YEATS2: variants seen among roughly 807,000 people sequenced by gnomAD.
YEATS2 encodes the protein YEATS domain containing 2.
A neutral mutation model predicts 163.2 loss-of-function variants in YEATS2; 77 were observed. That is an observed-to-expected ratio of 0.47 (90% CI 0.39 to 0.57). YEATS2 has a LOEUF of 0.57. Among genes scored for constraint, YEATS2 ranks in the 20% least tolerant of loss-of-function variants. The pLI is 0.00. For missense variants in YEATS2, 1,549 were observed against 1,729.8 expected, an observed-to-expected ratio of 0.90 and a Z score of 1.85; for synonymous variants, 631 against 645.1, an observed-to-expected ratio of 0.98 and a Z score of 0.33.
chr3:183,792,166 T>C (rs141375980), intron 21 of YEATS2, among the ~76,000 whole-genome samples: 2 of 152,334 alleles, frequency 1.3e-5, no homozygotes, highest in African/African-American at 4.8e-5. Flanking sequence ...CTAGGATACA[T>C]GTGTAGAACG....
chr3:183,730,159 G>A (rs1190151422), intron 7 of YEATS2, among the ~76,000 whole-genome samples: 2 of 124,222 alleles, frequency 1.6e-5, no homozygotes, highest in African/African-American at 6.2e-5. Context: ...CCACCCCCCA[G>A]GTTCAAGCAG....
At chr3:183,767,863 C>G (rs1722065983) in intron 15 of YEATS2, among the ~76,000 whole-genome samples, 1 of 152,100 alleles carries the variant, frequency 6.6e-6, no homozygotes, top group African/African-American at 2.4e-5. Flanking sequence ...GTGTCATATC[C>G]TGAAAACTCT....
At chr3:183,756,320 G>T (rs1000001408) in intron 11 of YEATS2, among the ~76,000 whole-genome samples, 3 of 152,092 alleles carry the variant, frequency 2.0e-5, no homozygotes, top group Non-Finnish European at 2.9e-5. Flanking sequence ...TTGATCCATG[G>T]ATAAGGATGC....
chr3:183,794,627 G>A (rs770363864), intron 21 of YEATS2, among the ~76,000 whole-genome samples: 4 of 152,206 alleles, frequency 2.6e-5, no homozygotes, highest in Admixed American at 6.5e-5. Context: ...ATGCGTGACC[G>A]GCTGAGGGCT....
intron 9 of YEATS2, among the ~76,000 whole-genome samples, chr3:183,750,857 A>G (rs1432622343): frequency 6.6e-6 from 1 of 152,206 alleles, no homozygotes; most frequent in Non-Finnish European, 1.5e-5. Flanking sequence ...CCCTTACCAG[A>G]TAGATGATTT....
chr3:183,733,386 T>G lies in YEATS2; in HGVS notation c.813-3332T>G, dbSNP rs543238831. 1.9e-4 allele frequency among the ~76,000 whole-genome samples: 29 copies of G among 152,358 alleles called. No homozygotes were observed. In the East Asian group the frequency reaches 1.9e-3, roughly 10 times the overall value. On this transcript the variant is annotated intron_variant, in intron 7 of 30. Transcript: ENST00000305135. ...ATATTTGTTTCAGTTGTCACTTGTGTGACTTTGTTTTATGTTCCTTTGCCA... is the reference window on the plus strand; with the variant it reads ...ATATTTGTTTCAGTTGTCACTTGTGGGACTTTGTTTTATGTTCCTTTGCCA...
At chr3:183,769,217 T>C (rs534365930) in intron 15 of YEATS2, among the ~76,000 whole-genome samples, 63 of 152,210 alleles carry the variant, frequency 4.1e-4, no homozygotes, top group Non-Finnish European at 8.5e-4. Flanking sequence ...CTCATCTTAA[T>C]TTATCTCCCT....
chr3:183,699,292 G>A (rs1447283073), intron 1 of YEATS2, among the ~76,000 whole-genome samples: 1 of 151,712 alleles, frequency 6.6e-6, no homozygotes, highest in Non-Finnish European at 1.5e-5. Flanking sequence ...AATTTGAGGT[G>A]GGAAAAACGA....
chr3:183,780,025 T>G lies in YEATS2; in HGVS notation c.2736+2325T>G, dbSNP rs574050006. 1.1e-4 allele frequency among the ~76,000 whole-genome samples: 16 copies of G among 151,730 alleles called. No individual in the cohort carries two copies. The East Asian group carries it at 1.7e-3, about 16-fold the overall frequency. On this transcript the variant is annotated intron_variant, in intron 19 of 30. Transcript: ENST00000305135. ...CTTTTTTTTTTTTTTTTTTTAATTT[T>G]TTATCTTTCTGACTCAAGATCTAAC... is the stretch of plus-strand genomic sequence containing the variant.
At chr3:183,751,698 G>A (rs971909772) in intron 9 of YEATS2, among the ~76,000 whole-genome samples, 3 of 152,202 alleles carry the variant, frequency 2.0e-5, no homozygotes, top group East Asian at 1.9e-4. Flanking sequence ...TTATTCTTGG[G>A]TGGTTAGGCA....
Position 183,808,042 on chromosome 3 carries a change from C to T in YEATS2, c.4024C>T (p.Leu1342=). The part of the protein sequence containing the change: ...GDVTQKIGIT[L]QPVALHRNVY... ...TCTGCTTTTCCAGATTGGGATCACCCTGCAGCCCGTGGCACTCCACAGGAA... is the reference window on the plus strand; with the variant it reads ...TCTGCTTTTCCAGATTGGGATCACCTTGCAGCCCGTGGCACTCCACAGGAA... The change falls in exon 29 of 31, where the codon CTG becomes TTG. Residue 1342 remains leucine (L), a synonymous_variant. Transcript: ENST00000305135. 2 of 1,562,304 alleles carry T rather than the reference C, an allele frequency of 1.3e-6. No homozygotes were observed. Among genetic ancestry groups the T allele is most frequent in the Non-Finnish European group, 1.7e-6 (2 of 1,152,514 alleles).
Position 183,790,913 on chromosome 3 carries a change from C to G in YEATS2, c.3030C>G (p.Pro1010=), listed in dbSNP as rs1224406179. ...TGGGAACCTGCAAGGCTGCCACCCC[C>G]ACCGTCGTCAGCGCCACGTCCCTCG... ...ATVGTCKAAT[P]TVVSATSLVP... is the part of the protein sequence containing the mutation. The change falls in exon 21 of 31, where the codon CCC becomes CCG. Residue 1010 remains proline, a synonymous_variant. Coordinates refer to ENST00000305135, the MANE Select transcript of YEATS2 (RefSeq NM_018023.5). 3 of 1,614,106 alleles carry G rather than the reference C, an allele frequency of 1.9e-6. No homozygotes were observed. In the African/African-American group the frequency reaches 4.0e-5, roughly 22 times the overall value.
Position 183,780,255 on chromosome 3 carries a change from G to C in YEATS2, c.2736+2555G>C, listed in dbSNP as rs144077216. ...CAAGCACCACAGGAAGGAGGAAGCG[G>C]GGGCGCAGGGCATGGAGAACACTGG... On this transcript the variant is annotated intron_variant, in intron 19 of 30. Coordinates refer to ENST00000305135, the MANE Select transcript of YEATS2 (RefSeq NM_018023.5). 7.0e-3 allele frequency among the ~76,000 whole-genome samples: 1,073 copies of C among 152,250 alleles called. 6 individuals are homozygous for C. The highest frequency in any genetic ancestry group is 0.012 in the Non-Finnish European group (786 of 68,016).
intron 25 of YEATS2, chr3:183,802,258 C>T (rs1725727882): frequency 6.5e-6 from 1 of 152,688 alleles, no homozygotes; most frequent in Non-Finnish European, 1.5e-5. Context: ...CATGCACACT[C>T]AGAGGGGAGC....
chr3:183,764,151 T>C (rs1427967043), intron 15 of YEATS2, among the ~76,000 whole-genome samples: 1 of 151,968 alleles, frequency 6.6e-6, no homozygotes, highest in Non-Finnish European at 1.5e-5. Context: ...GCGTGCGTTA[T>C]CACCTGAGGT....
chr3:183,719,459 T>G (rs913558087), intron 4 of YEATS2, among the ~76,000 whole-genome samples: 4 of 152,198 alleles, frequency 2.6e-5, no homozygotes, highest in Non-Finnish European at 5.9e-5. Flanking sequence ...GTAATTCTTT[T>G]CCTCCTAATT....
chr3:183,757,617 A>G (rs2109323685), intron 12 of YEATS2, among the ~76,000 whole-genome samples: 1 of 152,328 alleles, frequency 6.6e-6, no homozygotes, highest in East Asian at 1.9e-4. Context: ...TCCTAACTAT[A>G]AACTTCCCTG....
chr3:183,705,444 A>G (rs1200375014), intron 1 of YEATS2, among the ~76,000 whole-genome samples: 6 of 152,028 alleles, frequency 3.9e-5, no homozygotes, highest in Non-Finnish European at 8.8e-5. Context: ...TGTTGTATGT[A>G]TTTTGATACT....
intron 15 of YEATS2, among the ~76,000 whole-genome samples, chr3:183,766,180 A>G (rs1359531380): frequency 6.6e-6 from 1 of 152,196 alleles, no homozygotes; most frequent in Non-Finnish European, 1.5e-5. Flanking sequence ...GCTTGTTGCA[A>G]ATCTCAGATC....
Sources: allele counts gnomAD v4.1 joint callset (sites outside exome capture counted in the v4.1 genomes callset), GRCh38; gene constraint gnomAD v4.1.1; transcripts MANE v1.5; gene names NCBI Gene and HGNC (gene_info 2026-07-23, HGNC 2026-07-21).